The following BDKRB2 variants were observed in gnomAD, a reference collection of about 807,000 sequenced individuals.
BDKRB2 encodes B2 bradykinin receptor.
A neutral mutation model predicts 4.0 loss-of-function variants in BDKRB2; 6 were observed. The observed-to-expected ratio is 1.49, with a 90% CI of 0.81 to 2.93. BDKRB2 has a LOEUF of 2.93. Among genes scored for constraint, BDKRB2 ranks in the 30% most tolerant of loss-of-function variants. The probability of loss-of-function intolerance (pLI) is 0.00; values close to 1 mark genes in which losing one functional copy is unlikely to be tolerated. For synonymous variants in BDKRB2, 225 were observed against 215.3 expected, an observed-to-expected ratio of 1.05 and a Z score of -0.40; for missense variants, 478 against 520.1, an observed-to-expected ratio of 0.92 and a Z score of 0.79.
chr14:96,206,979 G>A (rs572278397), intron 1 of BDKRB2, among the ~76,000 whole-genome samples: 10 of 152,214 alleles, frequency 6.6e-5, no homozygotes, highest in South Asian at 6.2e-4. Flanking sequence ...GGGTGAACAC[G>A]CTCTCCCAGG....
intron 1 of BDKRB2, among the ~76,000 whole-genome samples, chr14:96,209,230 G>T (rs757741424): frequency 6.6e-6 from 1 of 152,190 alleles, no homozygotes; most frequent in Admixed American, 6.5e-5. Flanking sequence ...ATCAATCAAG[G>T]TTCATCGAGT....
At chr14:96,230,316 T>C (rs1050507605) in intron 1 of BDKRB2, among the ~76,000 whole-genome samples, 1 of 152,264 alleles carries the variant, frequency 6.6e-6, no homozygotes. Context: ...GGATGTGGCA[T>C]ACATAAACAG....
Position 96,238,868 on chromosome 14 carries a change from G to A in BDKRB2, c.75-1535G>A, listed in dbSNP as rs565327071. 17 of 986,788 alleles carry A rather than the reference G, an allele frequency of 1.7e-5. No homozygotes were observed. The South Asian group carries it at 2.8e-4, about 16-fold the overall frequency. The allele number at this position is 986,788 out of a possible 1,614,324, so 61.1% of individuals were successfully genotyped here. ...ACCCTCTGGGCCACAGTTGTCAGGA[G>A]TCAGGCAGGGCAGGGGCCGGGTGGT... On this transcript the variant is annotated intron_variant, in intron 2 of 2. Transcript: ENST00000554311.
In BDKRB2 at chr14:96,205,289, G is replaced by A. The variant is rs76749454; in HGVS notation, c.-40+330G>A. ...AGTGGACACCTTGGAGTAAGGCAGC[G>A]AGGTGTGTGTGGTGCAGCAGGGACG... On this transcript the variant is annotated intron_variant, in intron 1 of 2. Coordinates refer to ENST00000554311, the MANE Select transcript of BDKRB2 (RefSeq NM_001379692.1). 2.6e-5 allele frequency among the ~76,000 whole-genome samples: 4 copies of A among 152,124 alleles called. No individual in the cohort carries two copies. The South Asian group carries it at 8.3e-4, about 32-fold the overall frequency.
In BDKRB2 at chr14:96,238,724, G is replaced by T. The variant is rs2242962; in HGVS notation, c.74+1543G>T. 1.3e-3 allele frequency: 1,244 copies of T among 982,432 alleles called. 15 individuals are homozygous for T. In the African/African-American group the frequency reaches 0.021, roughly 16 times the overall value. 60.9% of individuals were successfully genotyped at this position (982,432 alleles called of 1,614,324 possible). ...GTCCACTTGTCCTCCTTCTTGTCCC[G>T]TCAAAATGCTTCTTATCCTTCAAGA... On this transcript the variant is annotated intron_variant, in intron 2 of 2. Transcript: ENST00000554311.
At chr14:96,238,030 C>A in intron 2 of BDKRB2, 1 of 1,145,050 alleles carries the variant, frequency 8.7e-7, no homozygotes, top group Non-Finnish European at 1.1e-6. Context: ...AAGGGGACTA[C>A]CCAGGGGAAG....
At chr14:96,214,969 G>C (rs982819203) in intron 1 of BDKRB2, among the ~76,000 whole-genome samples, 1 of 152,184 alleles carries the variant, frequency 6.6e-6, no homozygotes, top group East Asian at 1.9e-4. Flanking sequence ...AGACCTAAGA[G>C]AGTTCCTTTA....
At chr14:96,219,464 C>G (rs1330095687) in intron 1 of BDKRB2, among the ~76,000 whole-genome samples, 3 of 151,960 alleles carry the variant, frequency 2.0e-5, no homozygotes, top group African/African-American at 7.3e-5. Flanking sequence ...TGCCCTATGC[C>G]CTTGGGGACT....
intron 2 of BDKRB2, chr14:96,239,964 T>A (rs1044378228): frequency 2.0e-5 from 20 of 987,860 alleles, no homozygotes; most frequent in Admixed American, 1.8e-4. Flanking sequence ...TCTGGAATGA[T>A]ATCATTTTTC....
At chr14:96,239,654 T>C (rs1885219905) in intron 2 of BDKRB2, 4 of 955,634 alleles carry the variant, frequency 4.2e-6, no homozygotes, top group African/African-American at 3.5e-5. Context: ...CTGATCCCTA[T>C]CACAACCCTG....
intron 1 of BDKRB2, among the ~76,000 whole-genome samples, chr14:96,227,427 G>A (rs1349549110): frequency 6.6e-6 from 1 of 152,142 alleles, no homozygotes; most frequent in East Asian, 1.9e-4. Context: ...TTCTGATAGG[G>A]AGTGGGCCTC....
At chr14:96,213,591 A>ACACC (rs1305927565) in intron 1 of BDKRB2, among the ~76,000 whole-genome samples, 1 of 152,062 alleles carries the variant, frequency 6.6e-6, no homozygotes, top group Non-Finnish European at 1.5e-5. Context: ...AGCTTATGAC[A>ACACC]CACCTACAAT....
rs561395264 is a variant in BDKRB2 at position 96,208,237 on chromosome 14, C to G, written c.-40+3278C>G. Among the ~76,000 whole-genome samples, 9 of 152,284 alleles carry G rather than the reference C, an allele frequency of 5.9e-5. No individual in the cohort carries two copies. In the South Asian group the frequency reaches 1.7e-3, roughly 28 times the overall value. Reference sequence around the variant, plus strand: ...CCTGGGGACCTAAGGCTCTGCTTCCCCAAAACACCCACTCCAGGGTTGTTT... The same window carrying G: ...CCTGGGGACCTAAGGCTCTGCTTCCGCAAAACACCCACTCCAGGGTTGTTT... On this transcript the variant is annotated intron_variant, in intron 1 of 2. Transcript: ENST00000554311.
chr14:96,237,663 T>A, intron 2 of BDKRB2: 1 of 1,283,820 alleles, frequency 7.8e-7, no homozygotes, highest in Non-Finnish European at 1.0e-6. Context: ...GGGGACAGCA[T>A]TTGCAAGAAA....
intron 2 of BDKRB2, chr14:96,238,489 T>C: frequency 1.0e-6 from 1 of 985,608 alleles, no homozygotes. Context: ...GGGATCTTTT[T>C]AGAGCATACT....
intron 2 of BDKRB2, chr14:96,240,093 C>A (rs1885232888): frequency 9.1e-7 from 1 of 1,100,896 alleles, no homozygotes. Flanking sequence ...ACGGAAGCTT[C>A]AAGGAGGTCA....
intron 1 of BDKRB2, among the ~76,000 whole-genome samples, chr14:96,225,664 A>G (rs1320471222): frequency 1.3e-5 from 2 of 151,496 alleles, no homozygotes; most frequent in African/African-American, 4.9e-5. Flanking sequence ...TAGGGATAAA[A>G]CTCCACCTGT....
chr14:96,217,968 C>T (rs940233862), intron 1 of BDKRB2, among the ~76,000 whole-genome samples: 1 of 152,134 alleles, frequency 6.6e-6, no homozygotes, highest in Admixed American at 6.5e-5. Context: ...CCCAGGTCCC[C>T]ACTTACGAGC....
At chr14:96,235,134 G>A (rs1380141724) in intron 1 of BDKRB2, among the ~76,000 whole-genome samples, 1 of 152,076 alleles carries the variant, frequency 6.6e-6, no homozygotes, top group Non-Finnish European at 1.5e-5. Context: ...GATTGTTTGA[G>A]GTCAGGAGTT....
Sources: gnomAD v4.1 joint callset for allele counts (sites outside exome capture counted in the v4.1 genomes callset) on GRCh38, gnomAD v4.1.1 for gene constraint, MANE v1.5 for transcripts, NCBI Gene and HGNC (gene_info 2026-07-23, HGNC 2026-07-21) for gene names.